The following CDH18 variants were observed in gnomAD, a reference collection of about 807,000 sequenced individuals.
CDH18 encodes the protein cadherin-18.
CDH18 carries 31 observed loss-of-function variants against 67.9 expected under a neutral mutation model. That is an observed-to-expected ratio of 0.46 (90% CI 0.34 to 0.62). CDH18 has a LOEUF of 0.62. Among genes scored for constraint, CDH18 ranks in the 20% least tolerant of loss-of-function variants. CDH18 has a pLI of 0.01. For missense variants in CDH18, 890 were observed against 975.5 expected (o/e 0.91, Z 1.17); for synonymous variants, 362 against 347.2 (o/e 1.04, Z -0.48).
chr5:19,899,125 C>A (rs151020761), intron 2 of CDH18, among the ~76,000 whole-genome samples: 1,954 of 152,250 alleles, frequency 0.013, 37 homozygotes, highest in African/African-American at 0.045. Context: ...TCAGGCCAGG[C>A]ACGGTGGCTC....
At chr5:19,932,095 C>T (rs1461899799) in intron 2 of CDH18, among the ~76,000 whole-genome samples, 1 of 151,756 alleles carries the variant, frequency 6.6e-6, no homozygotes, top group Non-Finnish European at 1.5e-5. Flanking sequence ...AAGTTGAATA[C>T]ACCACTTTCC....
intron 10 of CDH18, among the ~76,000 whole-genome samples, chr5:19,513,392 T>G (rs1745426862): frequency 6.6e-6 from 1 of 152,164 alleles, no homozygotes; most frequent in South Asian, 2.1e-4. Context: ...TTCTGATATC[T>G]GTAAAGTCTA....
chr5:19,572,676 T>A lies in CDH18; in HGVS notation c.1000-844A>T, dbSNP rs111669573. 5.4e-3 allele frequency among the ~76,000 whole-genome samples: 819 copies of A among 152,282 alleles called. 12 individuals are homozygous for A. The highest frequency in any genetic ancestry group is 0.019 in the African/African-American group (783 of 41,568). On this transcript the variant is annotated intron_variant, in intron 7 of 12. Coordinates refer to ENST00000382275, the MANE Select transcript of CDH18 (RefSeq NM_004934.5). ...ACCATCTCTCCCTTGTCTCTTCTTA[T>A]AAAGACACAAATCCCATTCATGAAG...
chr5:19,755,463 A>ATATAT lies in CDH18; in HGVS notation c.229-8228_229-8227insATATA. On this transcript the variant is annotated intron_variant, in intron 3 of 12. Transcript: ENST00000382275. ...TATATATATATATATATATATACAC[A>ATATAT]CACACACACACATACATAGATATAT... 8.2e-4 allele frequency among the ~76,000 whole-genome samples: 2 copies of ATATAT among 2,426 alleles called. 1 individual carries two copies. The highest frequency in any genetic ancestry group is 0.021 in the Admixed American group (2 of 94). 1.6% of individuals were successfully genotyped at this position (2,426 alleles called of 152,430 possible).
rs1269950667 is a variant in CDH18, at chr5:19,584,441, C to A, written c.999+6616G>T. On this transcript the variant is annotated intron_variant, in intron 7 of 12. Transcript: ENST00000382275. ...TAAATAAGGAATAGGTTTTTAAGAACTGTTTTATCTTTTTTCTGCCATCTC... is the reference window on the plus strand; with the variant it reads ...TAAATAAGGAATAGGTTTTTAAGAAATGTTTTATCTTTTTTCTGCCATCTC... Among the ~76,000 whole-genome samples, 7 of 152,226 alleles carry A rather than the reference C, an allele frequency of 4.6e-5. No individual in the cohort carries two copies. The East Asian group carries it at 1.4e-3, about 29-fold the overall frequency.
chr5:20,091,791 TA>T (rs35413264), intron 2 of CDH18, among the ~76,000 whole-genome samples: 6 of 148,022 alleles, frequency 4.1e-5, no homozygotes, highest in African/African-American at 9.9e-5. Flanking sequence ...TAGTTTAAAT[TA>T]AAAAAAAAAC....
At chr5:20,346,582 A>C (rs897745903) in intron 1 of CDH18, among the ~76,000 whole-genome samples, 1 of 152,014 alleles carries the variant, frequency 6.6e-6, no homozygotes, top group Non-Finnish European at 1.5e-5. Flanking sequence ...AGCAGCAAAA[A>C]CTCTGGGCCT....
At chr5:20,472,416 G>A (rs918790989) in intron 1 of CDH18, among the ~76,000 whole-genome samples, 4 of 152,074 alleles carry the variant, frequency 2.6e-5, no homozygotes, top group East Asian at 1.9e-4. Context: ...ATGTAGATCC[G>A]TAGACTGTAA....
intron 2 of CDH18, among the ~76,000 whole-genome samples, chr5:19,944,694 C>G (rs59252975): frequency 0.016 from 2,447 of 152,166 alleles, 67 homozygotes; most frequent in African/African-American, 0.056. Flanking sequence ...CATGCTATGT[C>G]CATTTCTTCA....
At chr5:20,104,712 G>C (rs886931902) in intron 2 of CDH18, among the ~76,000 whole-genome samples, 1 of 151,406 alleles carries the variant, frequency 6.6e-6, no homozygotes, top group Non-Finnish European at 1.5e-5. Flanking sequence ...ATGCCCTCTT[G>C]CCAGGTGTCT....
chr5:19,539,708 G>A (rs1749945039), intron 9 of CDH18, among the ~76,000 whole-genome samples: 1 of 152,166 alleles, frequency 6.6e-6, no homozygotes, highest in African/African-American at 2.4e-5. Flanking sequence ...GAGAAAGCCT[G>A]TGCAGAACTC....
intron 2 of CDH18, among the ~76,000 whole-genome samples, chr5:19,842,500 C>A (rs1233933447): frequency 1.3e-5 from 2 of 152,194 alleles, no homozygotes; most frequent in Admixed American, 6.5e-5. Context: ...TTTGCCATGA[C>A]TGTAAGTTTC....
intron 3 of CDH18, among the ~76,000 whole-genome samples, chr5:19,747,879 T>C (rs1770241999): frequency 6.6e-6 from 1 of 150,740 alleles, no homozygotes; most frequent in Non-Finnish European, 1.5e-5. Context: ...GAGGCCGAGG[T>C]GGGCAGATCA....
At chr5:19,504,533 G>A (rs954188569) in intron 10 of CDH18, among the ~76,000 whole-genome samples, 1 of 151,900 alleles carries the variant, frequency 6.6e-6, no homozygotes. Context: ...TTCCAGTGCT[G>A]CCTCATCTGA....
chr5:20,521,273 C>T (rs187527583), intron 1 of CDH18, among the ~76,000 whole-genome samples: 21 of 151,870 alleles, frequency 1.4e-4, no homozygotes, highest in East Asian at 5.8e-4. Context: ...TTTGGGGAGG[C>T]GAGGCAAGTC....
chr5:19,994,782 G>A (rs1269689351), intron 2 of CDH18, among the ~76,000 whole-genome samples: 1 of 75,746 alleles, frequency 1.3e-5, no homozygotes, highest in African/African-American at 5.8e-5. Context: ...GAGAGAGAGA[G>A]AGAGAGAGAG....
At chr5:20,359,830 TA>T (rs1741945110) in intron 1 of CDH18, among the ~76,000 whole-genome samples, 1 of 151,876 alleles carries the variant, frequency 6.6e-6, no homozygotes, top group Non-Finnish European at 1.5e-5. Context: ...CATCTGTGGA[TA>T]AAAACGACCC....
chr5:19,961,071 G>C (rs758346232), intron 2 of CDH18, among the ~76,000 whole-genome samples: 14 of 150,506 alleles, frequency 9.3e-5, no homozygotes, highest in Non-Finnish European at 1.6e-4. Context: ...GATGTTACTA[G>C]GTGATAGGTA....
At chr5:19,962,249 T>C (rs954709365) in intron 2 of CDH18, among the ~76,000 whole-genome samples, 12 of 151,636 alleles carry the variant, frequency 7.9e-5, no homozygotes, top group African/African-American at 2.9e-4. Flanking sequence ...GTATCAAATT[T>C]TGGGTTTTAA....
Sources: gnomAD v4.1 joint callset for allele counts (sites outside exome capture counted in the v4.1 genomes callset) on GRCh38, gnomAD v4.1.1 for gene constraint, MANE v1.5 for transcripts, NCBI Gene and HGNC (gene_info 2026-07-23, HGNC 2026-07-21) for gene names.